Variants in ADD1 observed in about 807,000 individuals in gnomAD.
ADD1 encodes alpha-adducin.
A neutral mutation model predicts 80.5 loss-of-function variants in ADD1; 24 were observed. The ratio of observed to expected loss-of-function variants is 0.30; its 90% CI spans 0.22 to 0.42. The LOEUF (loss-of-function observed/expected upper bound fraction) is 0.42. ADD1 is among the 10% of genes least tolerant of loss of function. The pLI is 1.00. For missense variants in ADD1, 948 were observed against 1,019.0 expected, an observed-to-expected ratio of 0.93 and a Z score of 0.95; for synonymous variants, 373 against 393.8, an observed-to-expected ratio of 0.95 and a Z score of 0.63.
chr4:2,886,850 G>A (rs571340017), intron 4 of ADD1, among the ~76,000 whole-genome samples: 8 of 152,312 alleles, frequency 5.3e-5, no homozygotes, highest in African/African-American at 1.9e-4. Context: ...TTGACAGAAT[G>A]CTGTGGTGGA....
chr4:2,868,212 G>GTTGTGTTTGGGAGATAGC, intron 1 of ADD1: 1 of 152,250 alleles, frequency 6.6e-6, no homozygotes, highest in African/African-American at 2.4e-5. Context: ...CTTAACTACG[G>GTTGTGTTTGGGAGATAGC]TTGTGTTTGG....
At chr4:2,845,051 C>T (rs566122268) in intron 1 of ADD1, among the ~76,000 whole-genome samples, 4 of 151,514 alleles carry the variant, frequency 2.6e-5, no homozygotes, top group African/African-American at 9.7e-5. Context: ...AACTTTGGAG[C>T]CTTGAATGGA....
intron 6 of ADD1, among the ~76,000 whole-genome samples, chr4:2,896,634 A>G (rs574214193): frequency 2.6e-5 from 4 of 152,148 alleles, no homozygotes; most frequent in African/African-American, 9.6e-5. Flanking sequence ...TCATTGTGTG[A>G]ATGATGTGAT....
chr4:2,891,826 A>G (rs1425215685), intron 4 of ADD1, among the ~76,000 whole-genome samples: 2 of 152,190 alleles, frequency 1.3e-5, no homozygotes, highest in Admixed American at 6.5e-5. Flanking sequence ...AGAGACAATC[A>G]GGTGAGTTTA....
intron 13 of ADD1, among the ~76,000 whole-genome samples, chr4:2,911,446 A>ATT (rs1242451797): frequency 6.8e-4 from 86 of 126,946 alleles, no homozygotes; most frequent in East Asian, 3.9e-3. Context: ...ATATATATAT[A>ATT]TATTTTTTTT....
At chr4:2,888,300 A>G (rs955645370) in intron 4 of ADD1, among the ~76,000 whole-genome samples, 1 of 151,906 alleles carries the variant, frequency 6.6e-6, no homozygotes, top group African/African-American at 2.4e-5. Context: ...CCTGGGCTCA[A>G]ACTCCTGGCC....
chr4:2,916,028 G>A (rs527708490), intron 14 of ADD1, among the ~76,000 whole-genome samples: 3 of 152,096 alleles, frequency 2.0e-5, no homozygotes, highest in Admixed American at 6.5e-5. Context: ...CAGCAGGACC[G>A]AGGGGCAACC....
intron 14 of ADD1, among the ~76,000 whole-genome samples, chr4:2,925,619 C>T (rs1472223147): frequency 1.3e-5 from 2 of 152,168 alleles, no homozygotes; most frequent in African/African-American, 4.8e-5. Context: ...TGTGATGTCC[C>T]TTAAGGTGGT....
intron 8 of ADD1, 60 bp downstream of exon 8, chr4:2,898,591 A>T (rs1577627091): frequency 1.4e-6 from 2 of 1,479,998 alleles, no homozygotes; most frequent in East Asian, 4.5e-5. Flanking sequence ...GGGTTCACAT[A>T]GATTTTTTTT....
intron 1 of ADD1, among the ~76,000 whole-genome samples, chr4:2,869,420 G>C (rs1290854123): frequency 6.6e-6 from 1 of 152,138 alleles, no homozygotes; most frequent in African/African-American, 2.4e-5. Flanking sequence ...CGCATTTTCC[G>C]TTTTATAAGG....
chr4:2,899,309 T>A lies in ADD1; in HGVS notation c.1035T>A (p.Asn345Lys). The change falls in exon 9 of 16, where the codon AAT (asparagine) becomes AAA (lysine). Residue 345 changes from asparagine (N) to lysine (K), a missense_variant. Transcript: ENST00000683351. The part of the protein sequence containing the change: ...AGGPDNLVLL[N>K]PEKYKAKSRS... ...GACCAGACAACTTAGTCCTGCTGAA[T>A]CCTGAGAAGTACAAAGCCAAGTCCC... The A allele has an allele frequency of 6.2e-7, 1 of 1,614,176 alleles. No homozygotes were observed. The highest frequency in any genetic ancestry group is 2.2e-5 in the East Asian group (1 of 44,880).
Position 2,926,618 on chromosome 4 carries a change from T to A in ADD1, c.2047+506T>A, listed in dbSNP as rs1711701874. 1.2e-6 allele frequency: 2 copies of A among 1,613,270 alleles called. No homozygotes were observed. Among genetic ancestry groups the A allele is most frequent in the African/African-American group, 2.7e-5 (2 of 74,874 alleles). ...TAGATTCTCTCCTTGTGCTTTTTTC[T>A]CCCTGTGGCTGCGTCACAAGCAGGA... On this transcript the variant is annotated intron_variant, in intron 15 of 15. Coordinates refer to ENST00000683351, the MANE Select transcript of ADD1 (RefSeq NM_001354761.2). The surrounding 1 kb of genome is among the most constrained non-coding windows in gnomAD (Gnocchi z 5.0).
At chr4:2,927,428 A>G (rs564504965) in intron 15 of ADD1, among the ~76,000 whole-genome samples, 1 of 152,282 alleles carries the variant, frequency 6.6e-6, no homozygotes. Flanking sequence ...GTGTGGCTTG[A>G]TTTTTAAACA....
intron 14 of ADD1, among the ~76,000 whole-genome samples, chr4:2,921,127 T>A (rs1312671541): frequency 6.6e-6 from 1 of 152,162 alleles, no homozygotes; most frequent in African/African-American, 2.4e-5. Context: ...AATTCTGGGC[T>A]GAAAATTCTT....
At chr4:2,905,230 C>T (rs17777371) in intron 10 of ADD1, 122 bp downstream of exon 10, 1 of 879,528 alleles carries the variant, frequency 1.1e-6, no homozygotes, top group Non-Finnish European at 1.8e-6. Flanking sequence ...TCCTTATTCA[C>T]TTTCTTGTAG....
chr4:2,906,427 C>G (rs900006143), intron 10 of ADD1, among the ~76,000 whole-genome samples: 11 of 151,784 alleles, frequency 7.2e-5, no homozygotes, highest in African/African-American at 2.7e-4. Flanking sequence ...CTTTCTGCGG[C>G]TGATGTGAAG....
intron 14 of ADD1, among the ~76,000 whole-genome samples, chr4:2,922,680 C>T (rs182929321): frequency 2.0e-5 from 3 of 152,338 alleles, no homozygotes; most frequent in Admixed American, 6.5e-5. Context: ...CTGGGAGATC[C>T]ACCGCTCTCT....
intron 1 of ADD1, among the ~76,000 whole-genome samples, chr4:2,852,389 C>T (rs1417219250): frequency 1.5e-5 from 2 of 137,810 alleles, no homozygotes; most frequent in African/African-American, 2.8e-5. Flanking sequence ...TACAGTGGTG[C>T]GATCTTGGCT....
At chr4:2,899,630 T>G (rs1251993988) in intron 9 of ADD1, 195 bp downstream of exon 9, 5 of 648,174 alleles carry the variant, frequency 7.7e-6, no homozygotes, top group Non-Finnish European at 1.1e-5. Flanking sequence ...GGATTCCTGG[T>G]ATTGTTTTAT....
Sources: gnomAD v4.1 joint callset for allele counts (sites outside exome capture counted in the v4.1 genomes callset) on GRCh38, gnomAD v4.1.1 for gene constraint, Gnocchi (gnomAD v3.1) non-coding constraint, MANE v1.5 for transcripts, NCBI Gene and HGNC (gene_info 2026-07-23, HGNC 2026-07-21) for gene names.